DPH6: variants seen among roughly 807,000 people sequenced by gnomAD.
DPH6 encodes diphthine--ammonia ligase.
A neutral mutation model predicts 38.2 loss-of-function variants in DPH6; 33 were observed. That is an observed-to-expected ratio of 0.86 (90% confidence interval 0.65 to 1.15). The LOEUF (loss-of-function observed/expected upper bound fraction) is 1.15, where lower values mean the gene tolerates loss of function less well. Ranked by LOEUF, DPH6 falls within the 50% of genes most tolerant of loss-of-function variation. The pLI is 0.00. For synonymous variants in DPH6, 108 were observed against 103.0 expected (o/e 1.05, Z -0.30); for missense variants, 325 against 320.0 (o/e 1.02, Z -0.12).
chr15:35,503,641 A>G (rs1042171174), intron 3 of DPH6, among the ~76,000 whole-genome samples: 2 of 152,026 alleles, frequency 1.3e-5, no homozygotes, highest in African/African-American at 4.8e-5. Flanking sequence ...ATCTTGTTCA[A>G]TTGATTGTTC....
intron 3 of DPH6, among the ~76,000 whole-genome samples, chr15:35,356,722 C>T (rs571569837): frequency 1.4e-4 from 21 of 152,300 alleles, no homozygotes; most frequent in African/African-American, 3.6e-4. Context: ...TTAGGCTACT[C>T]GGGGGTCAGG....
rs531830277 is a variant in DPH6, at chr15:35,457,175, G to A, written c.313-2355C>T. ...TCACTGTGTTGCCCAGGCTGGTCTC[G>A]AACTCCTGGACTCAACTGATCTGCC... On this transcript the variant is annotated intron_variant, in intron 3 of 8. Transcript: ENST00000256538. Among the ~76,000 whole-genome samples the A allele has an allele frequency of 1.7e-4, 26 of 151,658 alleles. No individual in the cohort carries two copies. The East Asian group carries it at 4.9e-3, about 29-fold the overall frequency.
chr15:35,470,060 T>C (rs1349544847), intron 3 of DPH6, among the ~76,000 whole-genome samples: 3 of 151,986 alleles, frequency 2.0e-5, no homozygotes, highest in African/African-American at 7.2e-5. Context: ...TAGCCGGGCA[T>C]GGTGGTGTGT....
chr15:35,317,590 C>CAAAAAAAAAAAGA (rs1595475727), intron 3 of DPH6, among the ~76,000 whole-genome samples: 2 of 73,804 alleles, frequency 2.7e-5, no homozygotes, highest in East Asian at 5.9e-4. Context: ...TTCTGCTGGA[C>CAAAAAAAAAAAGA]AAAAAAAAAA....
intron 3 of DPH6, among the ~76,000 whole-genome samples, chr15:35,231,727 C>T (rs187834877): frequency 6.6e-6 from 1 of 152,106 alleles, no homozygotes; most frequent in African/African-American, 2.4e-5. Flanking sequence ...AAGCATGGTG[C>T]CAGCATCGGC....
chr15:35,492,798 AACT>A (rs751659856), intron 3 of DPH6, among the ~76,000 whole-genome samples: 12 of 152,208 alleles, frequency 7.9e-5, no homozygotes, highest in Non-Finnish European at 1.3e-4. Flanking sequence ...AAGAACACAG[AACT>A]ACTAAGTGCC....
chr15:35,312,951 G>A (rs2052156907), intron 3 of DPH6, among the ~76,000 whole-genome samples: 1 of 152,134 alleles, frequency 6.6e-6, no homozygotes, highest in Non-Finnish European at 1.5e-5. Context: ...AGTCAGGCTG[G>A]GCGCAATGGC....
chr15:35,368,361 A>G (rs2052679307), downstream of DPH6, among the ~76,000 whole-genome samples: 1 of 151,882 alleles, frequency 6.6e-6, no homozygotes, highest in African/African-American at 2.4e-5. Flanking sequence ...TAGGAGCAAG[A>G]CTGAAAAAGG....
chr15:35,446,760 T>C (rs1233929410), intron 5 of DPH6, among the ~76,000 whole-genome samples: 1 of 152,144 alleles, frequency 6.6e-6, no homozygotes, highest in Non-Finnish European at 1.5e-5. Context: ...AAGGGACAAC[T>C]GGATAGCCTA....
chr15:35,191,037 A>G, the DPH6 span, among the ~76,000 whole-genome samples: 1,589 of 152,276 alleles, frequency 0.01, 34 homozygotes, highest in African/African-American at 0.037. Context: ...AAATTGCCAT[A>G]CCTTTAGGGT....
intron 3 of DPH6, among the ~76,000 whole-genome samples, chr15:35,535,704 G>T (rs1320118992): frequency 1.3e-5 from 2 of 152,040 alleles, no homozygotes; most frequent in Non-Finnish European, 2.9e-5. Context: ...AAATTCTAAA[G>T]AATAAAAGAT....
the DPH6 span, among the ~76,000 whole-genome samples, chr15:35,175,761 A>C: frequency 1.3e-5 from 2 of 152,356 alleles, no homozygotes; most frequent in East Asian, 3.9e-4. Context: ...TCTAGGAGAT[A>C]AATTCTACCC....
downstream of DPH6, among the ~76,000 whole-genome samples, chr15:35,329,025 C>T (rs1054645130): frequency 6.6e-6 from 1 of 152,108 alleles, no homozygotes; most frequent in African/African-American, 2.4e-5. Flanking sequence ...GGAAACTGCC[C>T]CCATGATTCA....
intron 1 of DPH6, 113 bp downstream of exon 1, chr15:35,546,006 G>C: frequency 1.0e-6 from 1 of 997,120 alleles, no homozygotes; most frequent in Admixed American, 4.2e-5. Context: ...AGGAGCCGCG[G>C]AACCCCCAAC....
Position 35,445,421 on chromosome 15 carries a change from GA to G in DPH6, c.505+5263del, listed in dbSNP as rs1566912322. Among the ~76,000 whole-genome samples, 3 of 145,762 alleles carry G rather than the reference GA, an allele frequency of 2.1e-5. 1 individual carries two copies. The highest frequency in any genetic ancestry group is 1.4e-4 in the Admixed American group (2 of 14,604). ...AAAAAAAAAAAAAAAAAAGAGATCT[GA>G]ATGGTAAATAGTTGACCCTTGAACA... On this transcript the variant is annotated intron_variant, in intron 5 of 8. Coordinates refer to ENST00000256538, the MANE Select transcript of DPH6 (RefSeq NM_080650.4).
At chr15:35,484,424 G>A (rs2054369593) in intron 3 of DPH6, among the ~76,000 whole-genome samples, 1 of 152,224 alleles carries the variant, frequency 6.6e-6, no homozygotes, top group Non-Finnish European at 1.5e-5. Context: ...CCAGGGCAAT[G>A]ATCTCATCTG....
chr15:35,245,674 C>T (rs189045201), intron 3 of DPH6, among the ~76,000 whole-genome samples: 8 of 152,318 alleles, frequency 5.3e-5, no homozygotes, highest in South Asian at 2.1e-4. Context: ...TTCCCTCTGA[C>T]GTATCACTTC....
chr15:35,506,559 GA>G (rs1369121913), intron 3 of DPH6, among the ~76,000 whole-genome samples: 2 of 152,130 alleles, frequency 1.3e-5, no homozygotes, highest in Non-Finnish European at 2.9e-5. Flanking sequence ...GCTAGGTCAC[GA>G]CCTGAACTCA....
At chr15:35,151,840 C>T in the DPH6 span, among the ~76,000 whole-genome samples, 10 of 152,144 alleles carry the variant, frequency 6.6e-5, no homozygotes, top group African/African-American at 1.9e-4. Context: ...TAATAAGCGA[C>T]GCAGAACGAA....
Sources: allele counts gnomAD v4.1 joint callset (sites outside exome capture counted in the v4.1 genomes callset), GRCh38; gene constraint gnomAD v4.1.1; transcripts MANE v1.5; gene names NCBI Gene and HGNC (gene_info 2026-07-23, HGNC 2026-07-21).